Variants in KCTD16 observed in about 807,000 individuals in gnomAD.
KCTD16 encodes BTB/POZ domain-containing protein KCTD16.
In KCTD16, 13 loss-of-function variants were observed where a neutral mutation model predicts 33.2. That is an observed-to-expected ratio of 0.39 (90% CI 0.25 to 0.62). The LOEUF is 0.62. KCTD16 is among the 20% of genes least tolerant of loss of function. KCTD16 has a pLI of 0.50. For missense variants in KCTD16, 441 were observed against 525.1 expected (o/e 0.84, Z 1.57); for synonymous variants, 197 against 195.3 (o/e 1.01, Z -0.07).
intron 3 of KCTD16, among the ~76,000 whole-genome samples, chr5:144,467,069 TATAATATATATA>T (rs1377610983): frequency 1.5e-5 from 2 of 131,992 alleles, no homozygotes; most frequent in African/African-American, 5.5e-5. Flanking sequence ...ATGTATTATA[TATAATATATATA>T]GTGTTATATA....
At chr5:144,292,616 G>T (rs1213072188) in intron 3 of KCTD16, among the ~76,000 whole-genome samples, 1 of 152,180 alleles carries the variant, frequency 6.6e-6, no homozygotes, top group African/African-American at 2.4e-5. Flanking sequence ...AACTTTAGGT[G>T]CATATTTGGA....
chr5:144,309,893 G>A (rs1298571485), intron 3 of KCTD16, among the ~76,000 whole-genome samples: 3 of 152,060 alleles, frequency 2.0e-5, no homozygotes, highest in African/African-American at 7.2e-5. Flanking sequence ...AGCAAAATTT[G>A]TATACGGTGC....
intron 3 of KCTD16, among the ~76,000 whole-genome samples, chr5:144,300,966 G>C (rs892052745): frequency 6.6e-6 from 1 of 152,092 alleles, no homozygotes; most frequent in African/African-American, 2.4e-5. Flanking sequence ...TTACGGGCAC[G>C]GCACAGTGGC....
intron 3 of KCTD16, among the ~76,000 whole-genome samples, chr5:144,449,955 A>T (rs1359436809): frequency 6.6e-6 from 1 of 152,092 alleles, no homozygotes; most frequent in Non-Finnish European, 1.5e-5. Context: ...TTGGGATAAC[A>T]TTAAACTAAA....
intron 3 of KCTD16, among the ~76,000 whole-genome samples, chr5:144,339,187 T>G (rs560155351): frequency 3.3e-5 from 5 of 152,218 alleles, no homozygotes; most frequent in Non-Finnish European, 7.3e-5. Context: ...TCATTCAATC[T>G]TCTCAATAGC....
At chr5:144,183,001 T>A (rs1275954719) in intron 2 of KCTD16, among the ~76,000 whole-genome samples, 1 of 151,356 alleles carries the variant, frequency 6.6e-6, no homozygotes, top group East Asian at 1.9e-4. Flanking sequence ...TGTACATGTA[T>A]ATAAAAAGTC....
intron 3 of KCTD16, among the ~76,000 whole-genome samples, chr5:144,298,461 G>T (rs1209235458): frequency 6.6e-6 from 1 of 152,214 alleles, no homozygotes; most frequent in Non-Finnish European, 1.5e-5. Context: ...CAGATGGAAG[G>T]TTAAGGGATG....
In KCTD16 at chr5:144,179,776, G is replaced by T. The variant is rs139006967; in HGVS notation, c.-327+5304G>T. On this transcript the variant is annotated intron_variant, in intron 2 of 3. Transcript: ENST00000512467. ...GAAACTCTATTAGAAGAGAGGTTAT[G>T]TTATATTTACTTTTGTATCCCAACT... 2.0e-3 allele frequency among the ~76,000 whole-genome samples: 306 copies of T among 152,300 alleles called. 3 individuals carry two copies. Among genetic ancestry groups the T allele is most frequent in the African/African-American group, 6.8e-3 (281 of 41,562 alleles).
At chr5:144,364,620 T>C (rs533609577) in intron 3 of KCTD16, among the ~76,000 whole-genome samples, 119 of 152,390 alleles carry the variant, frequency 7.8e-4, no homozygotes, top group Non-Finnish European at 1.4e-3. Context: ...CTGTTTAATT[T>C]ATGGTTGGTA....
chr5:144,472,634 T>C (rs1170203698), intron 3 of KCTD16, among the ~76,000 whole-genome samples: 2 of 152,210 alleles, frequency 1.3e-5, no homozygotes, highest in Non-Finnish European at 2.9e-5. Flanking sequence ...AATTTCTACA[T>C]TGTTCCTTGG....
intron 3 of KCTD16, among the ~76,000 whole-genome samples, chr5:144,299,106 A>ATATATATATATG (rs1756146518): frequency 5.5e-4 from 5 of 9,076 alleles, no homozygotes; most frequent in African/African-American, 2.6e-3. Flanking sequence ...GTATATATAT[A>ATATATATATATG]TATATATATA....
intron 3 of KCTD16, among the ~76,000 whole-genome samples, chr5:144,237,992 A>T (rs1754299446): frequency 6.6e-6 from 1 of 152,204 alleles, no homozygotes; most frequent in African/African-American, 2.4e-5. Context: ...CTGGTTGCTT[A>T]GCATCAGACA....
chr5:144,181,821 C>T (rs908126319), intron 2 of KCTD16, among the ~76,000 whole-genome samples: 2 of 152,064 alleles, frequency 1.3e-5, no homozygotes, highest in East Asian at 1.9e-4. Flanking sequence ...GGGCAGGGCA[C>T]GGTGGCTCAT....
At chr5:144,363,376 G>A (rs998609150) in intron 3 of KCTD16, among the ~76,000 whole-genome samples, 15 of 151,942 alleles carry the variant, frequency 9.9e-5, no homozygotes, top group African/African-American at 3.6e-4. Context: ...ATGTGTGTGT[G>A]TGCTAAAGTG....
intron 3 of KCTD16, 79 bp from the exon 4 acceptor site, chr5:144,473,581 G>A: frequency 1.6e-6 from 2 of 1,275,952 alleles, no homozygotes; most frequent in Non-Finnish European, 2.2e-6. Context: ...GTGTGTTTCT[G>A]TGTATGTCCA....
chr5:144,446,857 A>G (rs770175881), intron 3 of KCTD16, among the ~76,000 whole-genome samples: 11 of 152,208 alleles, frequency 7.2e-5, no homozygotes, highest in Non-Finnish European at 1.2e-4. Flanking sequence ...CCACAATGAG[A>G]TACTATCTCG....
At chr5:144,299,139 TATA>T (rs1751335287) in intron 3 of KCTD16, among the ~76,000 whole-genome samples, 2 of 32,018 alleles carry the variant, frequency 6.2e-5, no homozygotes, top group African/African-American at 3.3e-4. Flanking sequence ...TATATATATA[TATA>T]TATATATTTT....
intron 3 of KCTD16, among the ~76,000 whole-genome samples, chr5:144,299,531 A>G (rs1249549700): frequency 1.3e-5 from 2 of 152,162 alleles, no homozygotes; most frequent in East Asian, 1.9e-4. Flanking sequence ...AATGAAAAAA[A>G]TAGGTTTTGT....
intron 3 of KCTD16, among the ~76,000 whole-genome samples, chr5:144,299,655 A>T (rs940909326): frequency 3.9e-5 from 6 of 152,098 alleles, no homozygotes; most frequent in Non-Finnish European, 7.4e-5. Context: ...TGGCCTTATT[A>T]TTACTTTCAT....
Sources: gnomAD v4.1 joint callset for allele counts (sites outside exome capture counted in the v4.1 genomes callset) on GRCh38, gnomAD v4.1.1 for gene constraint, MANE v1.5 for transcripts, NCBI Gene and HGNC (gene_info 2026-07-23, HGNC 2026-07-21) for gene names.